Variants in MTHFD1L observed in about 807,000 individuals in gnomAD.
The protein encoded by MTHFD1L is monofunctional C1-tetrahydrofolate synthase, mitochondrial.
A neutral mutation model predicts 119.5 loss-of-function variants in MTHFD1L; 81 were observed. That is an observed-to-expected ratio of 0.68 (90% CI 0.57 to 0.82). The LOEUF (loss-of-function observed/expected upper bound fraction) is 0.82. MTHFD1L is among the 40% of genes least tolerant of loss of function. MTHFD1L has a pLI of 0.00. For missense variants in MTHFD1L, 1,125 were observed against 1,253.4 expected (o/e 0.90, Z 1.55); for synonymous variants, 430 against 475.2 (o/e 0.90, Z 1.24).
intron 8 of MTHFD1L, among the ~76,000 whole-genome samples, chr6:150,915,910 T>C (rs1668726950): frequency 6.6e-6 from 1 of 152,172 alleles, no homozygotes; most frequent in African/African-American, 2.4e-5. Context: ...GGATGCTTTT[T>C]CTCATTTCTC....
Position 151,036,860 on chromosome 6 carries a change from C to T in MTHFD1L, c.2695-105C>T. On this transcript the variant is annotated intron_variant, in intron 25 of 27. Transcript: ENST00000367321. ...AAGCAGCTCCTGCGTGTGCCTCGAT[C>T]TGAGCCGGCATACCATTGCTGCCGA... 1.6e-5 allele frequency: 20 copies of T among 1,242,982 alleles called. No homozygotes were observed. The South Asian group carries it at 2.3e-4, about 14-fold the overall frequency. 77.0% of individuals were successfully genotyped at this position (1,242,982 alleles called of 1,614,324 possible).
intron 17 of MTHFD1L, among the ~76,000 whole-genome samples, chr6:150,957,281 A>G (rs540701122): frequency 1.1e-4 from 16 of 152,234 alleles, no homozygotes; most frequent in Non-Finnish European, 1.9e-4. Context: ...ATGCCAACAT[A>G]AAAAGATGTT....
intron 16 of MTHFD1L, among the ~76,000 whole-genome samples, chr6:150,951,181 G>A (rs538642286): frequency 1.6e-4 from 24 of 151,368 alleles, no homozygotes; most frequent in South Asian, 4.2e-4. Context: ...GAGGCTGTGC[G>A]CCACAACACT....
Position 151,015,511 on chromosome 6 carries a change from A to G in MTHFD1L, c.2409-5A>G. The G allele has an allele frequency of 6.2e-7, 1 of 1,602,296 alleles. No individual in the cohort carries two copies. Among genetic ancestry groups the G allele is most frequent in the Middle Eastern group, 1.7e-4 (1 of 5,984 alleles). Reference sequence around the variant, plus strand: ...ATGCAAAACCACAAACATTTTCTTCACTAGGACCGACACCCGCGCTGAGAT... The same window carrying G: ...ATGCAAAACCACAAACATTTTCTTCGCTAGGACCGACACCCGCGCTGAGAT... On this transcript the variant is annotated splice_region_variant and splice_polypyrimidine_tract_variant and intron_variant, in intron 23 of 27. Transcript: ENST00000367321.
intron 13 of MTHFD1L, among the ~76,000 whole-genome samples, chr6:150,939,719 T>G (rs1259018187): frequency 1.4e-5 from 2 of 139,902 alleles, no homozygotes; most frequent in African/African-American, 5.8e-5. Context: ...GAGTTTTGCT[T>G]TGTTGCTCAG....
At chr6:150,961,988 A>G (rs1004748722) in intron 18 of MTHFD1L, among the ~76,000 whole-genome samples, 2 of 151,970 alleles carry the variant, frequency 1.3e-5, no homozygotes, top group African/African-American at 4.8e-5. Context: ...ATTTATTTTT[A>G]TTTATTTATT....
chr6:150,895,613 G>GT (rs10630027), intron 7 of MTHFD1L, among the ~76,000 whole-genome samples: 45,823 of 134,326 alleles, frequency 0.34, 7,917 homozygotes, highest in African/African-American at 0.39. Flanking sequence ...GTTTTTTGTG[G>GT]TTTTTTTTTT....
At chr6:150,916,487 T>TTTTTTTTTTTTTTTTTTTTTTTTTTC (rs1787929822) in intron 8 of MTHFD1L, among the ~76,000 whole-genome samples, 1 of 56,934 alleles carries the variant, frequency 1.8e-5, no homozygotes, top group Non-Finnish European at 3.3e-5. Context: ...TTTTTTTTTT[T>TTTTTTTTTTTTTTTTTTTTTTTTTTC]TTTTTTTTTT....
chr6:151,048,946 A>G (rs528929486), intron 26 of MTHFD1L, among the ~76,000 whole-genome samples: 2 of 152,248 alleles, frequency 1.3e-5, no homozygotes, highest in East Asian at 3.9e-4. Context: ...GACACTGTCT[A>G]CCTGGAGATG....
At position 150,889,505 on chromosome 6, in the gene MTHFD1L, G is replaced by A. The variant is rs140424990; in HGVS notation, c.780+1524G>A. ...AAGTTCTTAAAAAAGTGAAAAGACA[G>A]CTATAGTGTAGAAGATATTTACAAC... is the stretch of plus-strand genomic sequence containing the variant. On this transcript the variant is annotated intron_variant, in intron 7 of 27. Coordinates refer to ENST00000367321, the MANE Select transcript of MTHFD1L (RefSeq NM_015440.5). Among the ~76,000 whole-genome samples, 42 of 152,292 alleles carry A rather than the reference G, an allele frequency of 2.8e-4. No homozygotes were observed. In the East Asian group the frequency reaches 7.1e-3, roughly 26 times the overall value.
chr6:150,992,191 C>G (rs1779148300), intron 20 of MTHFD1L, among the ~76,000 whole-genome samples: 8 of 152,128 alleles, frequency 5.3e-5, no homozygotes, highest in Admixed American at 5.2e-4. Context: ...AGGACTCCTT[C>G]GTCAGTAAGA....
At chr6:150,896,397 C>T (rs1229254524) in intron 7 of MTHFD1L, among the ~76,000 whole-genome samples, 1 of 152,094 alleles carries the variant, frequency 6.6e-6, no homozygotes, top group Admixed American at 6.5e-5. Context: ...TGAGCACCTT[C>T]GGAGAGGGCA....
intron 18 of MTHFD1L, among the ~76,000 whole-genome samples, chr6:150,963,885 A>G (rs193014189): frequency 8.7e-4 from 132 of 152,310 alleles, no homozygotes; most frequent in Non-Finnish European, 1.5e-3. Context: ...AAAGAAACAA[A>G]GGCCGGGCAC....
intron 15 of MTHFD1L, among the ~76,000 whole-genome samples, chr6:150,947,968 C>T (rs936663529): frequency 1.3e-5 from 2 of 152,136 alleles, no homozygotes; most frequent in Non-Finnish European, 2.9e-5. Context: ...ATAATTCACT[C>T]AAAGTTCAGT....
At chr6:151,024,935 G>A (rs1371431852) in intron 24 of MTHFD1L, among the ~76,000 whole-genome samples, 2 of 152,140 alleles carry the variant, frequency 1.3e-5, no homozygotes, top group African/African-American at 4.8e-5. Context: ...CAGAGTGCTC[G>A]AACCAGTCAG....
At position 151,015,636 on chromosome 6, in the gene MTHFD1L, G is replaced by C; in HGVS notation, c.2529G>C (p.Arg843=). 1 of 1,614,108 alleles carries C rather than the reference G, an allele frequency of 6.2e-7. No homozygotes were observed. Among genetic ancestry groups the C allele is most frequent in the South Asian group, 1.1e-5 (1 of 91,086 alleles). ...GAAAAGGATCGGTGGACTTGGCTCG[G>C]GCTGTGAGAGAGGCTGCGAGTAAAA... ...VGGKGSVDLA[R]AVREAASKRS... is the part of the protein sequence containing the mutation. Residue 843 remains arginine, a synonymous_variant, in exon 24 of 28, where the codon CGG becomes CGC. Transcript: ENST00000367321.
At chr6:151,057,127 G>C in intron 26 of MTHFD1L, 1 of 889,080 alleles carries the variant, frequency 1.1e-6, no homozygotes, top group Non-Finnish European at 1.3e-6. Flanking sequence ...TCTGGTAATT[G>C]TAGGCTTGCT....
chr6:151,015,601 T>C lies in MTHFD1L; in HGVS notation c.2494T>C (p.Ser832Pro). 6.2e-7 allele frequency: 1 copy of C among 1,614,108 alleles called. No individual in the cohort carries two copies. The highest frequency in any genetic ancestry group is 2.2e-5 in the East Asian group (1 of 44,872). ...TGATGCAGTCCCCTGCTATCACTGG[T>C]CCGTTGGTGGAAAAGGATCGGTGGA... ...AFDAVPCYHW[S>P]VGGKGSVDLA... Residue 832 changes from serine (S) to proline (P), a missense_variant, in exon 24 of 28, where the codon TCC becomes CCC. This residue lies in a region of MTHFD1L where 1,058 missense variants were observed against 1,151.2 expected (regional missense o/e 0.92). Coordinates refer to ENST00000367321, the MANE Select transcript of MTHFD1L (RefSeq NM_015440.5).
chr6:150,886,042 C>G (rs73011398), intron 6 of MTHFD1L, among the ~76,000 whole-genome samples: 10,572 of 152,250 alleles, frequency 0.069, 414 homozygotes, highest in Non-Finnish European at 0.084. Context: ...TGCTCAATTT[C>G]TCTCATGAAA....
Sources: gnomAD v4.1 joint callset for allele counts (sites outside exome capture counted in the v4.1 genomes callset) on GRCh38, gnomAD v4.1.1 for gene constraint, gnomAD v4.1.1 regional missense constraint, MANE v1.5 for transcripts, NCBI Gene and HGNC (gene_info 2026-07-23, HGNC 2026-07-21) for gene names.